The following ADCY9 variants were observed in gnomAD, a reference collection of about 807,000 sequenced individuals.
ADCY9 encodes the protein adenylate cyclase 9, also known as adenylate cyclase type 9.
ADCY9 carries 50 observed loss-of-function variants against 101.5 expected under a neutral mutation model. The observed-to-expected ratio is 0.49, with a 90% CI of 0.39 to 0.62. The LOEUF is 0.62. Among genes scored for constraint, ADCY9 ranks in the 20% least tolerant of loss-of-function variants. The pLI, the probability that ADCY9 is intolerant of heterozygous loss-of-function variation, is 0.00. For synonymous variants in ADCY9, 905 were observed against 769.3 expected (o/e 1.18, Z -2.92); for missense variants, 1,662 against 1,800.4 (o/e 0.92, Z 1.39).
At chr16:4,018,627 T>G (rs2056454288) in intron 2 of ADCY9, among the ~76,000 whole-genome samples, 1 of 152,208 alleles carries the variant, frequency 6.6e-6, no homozygotes, top group South Asian at 2.1e-4. Flanking sequence ...AGATCGTATC[T>G]GCAGCACAGG....
At chr16:4,015,705 G>A (rs1414819423) in intron 2 of ADCY9, 3 of 152,164 alleles carry the variant, frequency 2.0e-5, no homozygotes, top group Non-Finnish European at 2.9e-5. Context: ...GGTGACTCAC[G>A]CCTATAATCC....
intron 5 of ADCY9, among the ~76,000 whole-genome samples, chr16:3,991,916 C>T (rs2056247468): frequency 6.6e-6 from 1 of 151,776 alleles, no homozygotes; most frequent in African/African-American, 2.4e-5. Flanking sequence ...ACTAAAAATA[C>T]AAAACCTAGC....
At chr16:4,108,095 G>T (rs561522254) in intron 2 of ADCY9, among the ~76,000 whole-genome samples, 1 of 152,202 alleles carries the variant, frequency 6.6e-6, no homozygotes, top group Non-Finnish European at 1.5e-5. Context: ...CATGGGTGTG[G>T]ATGAGAGCGG....
intron 2 of ADCY9, among the ~76,000 whole-genome samples, chr16:4,103,887 T>C (rs563935459): frequency 3.9e-5 from 6 of 152,194 alleles, no homozygotes; most frequent in South Asian, 2.1e-4. Flanking sequence ...ACATGAATGA[T>C]TGGTTAAATC....
intron 2 of ADCY9, among the ~76,000 whole-genome samples, chr16:4,065,528 C>T (rs895249851): frequency 3.9e-5 from 6 of 152,120 alleles, no homozygotes; most frequent in East Asian, 1.9e-4. Context: ...GAATGTCGCA[C>T]GTCAATGTAC....
At chr16:3,974,576 C>T (rs2056078442) in intron 10 of ADCY9, 93 bp downstream of exon 10, 1 of 1,031,518 alleles carries the variant, frequency 9.7e-7, no homozygotes, top group Non-Finnish European at 1.5e-6. Context: ...TCCTTTTATT[C>T]AAGATCCCAT....
chr16:3,981,074 C>T (rs1425415999), intron 7 of ADCY9, among the ~76,000 whole-genome samples: 1 of 152,216 alleles, frequency 6.6e-6, no homozygotes, highest in African/African-American at 2.4e-5. Context: ...ACACGGCCCT[C>T]AGAGGGGCCA....
chr16:4,103,995 G>A (rs2057060483), intron 2 of ADCY9, among the ~76,000 whole-genome samples: 1 of 152,204 alleles, frequency 6.6e-6, no homozygotes, highest in Admixed American at 6.5e-5. Flanking sequence ...CGGTCCTGGA[G>A]AAAAGCAGCT....
chr16:4,013,444 GAAAAAGAA>G (rs1291827537), intron 2 of ADCY9, among the ~76,000 whole-genome samples: 1 of 151,824 alleles, frequency 6.6e-6, no homozygotes, highest in Non-Finnish European at 1.5e-5. Context: ...AAAATTAAAA[GAAAAAGAA>G]GAAAAGAAAA....
chr16:3,996,124 G>A (rs560057171), intron 3 of ADCY9, among the ~76,000 whole-genome samples: 1 of 152,152 alleles, frequency 6.6e-6, no homozygotes, highest in African/African-American at 2.4e-5. Flanking sequence ...ACTTTGGGAG[G>A]CCGAAGCAGG....
chr16:3,973,649 AC>A (rs2141678913), intron 10 of ADCY9, among the ~76,000 whole-genome samples: 1 of 151,414 alleles, frequency 6.6e-6, no homozygotes, highest in South Asian at 2.1e-4. Context: ...ATACCACCAT[AC>A]CTGGCTAATT....
At chr16:3,982,967 T>A (rs2056156498) in intron 7 of ADCY9, 1 of 530,110 alleles carries the variant, frequency 1.9e-6, no homozygotes, top group Admixed American at 3.3e-5. Flanking sequence ...TCTCTGAACC[T>A]GGAAATCTGG....
intron 10 of ADCY9, among the ~76,000 whole-genome samples, chr16:3,969,464 C>G (rs1265574663): frequency 6.8e-6 from 1 of 146,306 alleles, no homozygotes; most frequent in East Asian, 2.0e-4. Context: ...GTCTCAAACT[C>G]CTGACCTAAA....
intron 2 of ADCY9, among the ~76,000 whole-genome samples, chr16:4,110,792 G>A (rs1356659160): frequency 6.6e-6 from 1 of 152,218 alleles, no homozygotes; most frequent in Non-Finnish European, 1.5e-5. Flanking sequence ...TCACGGCCAT[G>A]GAAAGAGGCA....
chr16:4,110,484 G>A (rs1054332411), intron 2 of ADCY9, among the ~76,000 whole-genome samples: 5 of 147,556 alleles, frequency 3.4e-5, no homozygotes, highest in Non-Finnish European at 3.0e-5. Context: ...CCACCTCCTG[G>A]GTTCAAGCGA....
chr16:4,089,936 T>TA (rs1269376734), intron 2 of ADCY9, among the ~76,000 whole-genome samples: 2 of 152,062 alleles, frequency 1.3e-5, no homozygotes, highest in Admixed American at 1.3e-4. Flanking sequence ...TGGGTAGTTT[T>TA]ACCTACCCAC....
intron 2 of ADCY9, among the ~76,000 whole-genome samples, chr16:4,100,646 TA>T: frequency 6.7e-6 from 1 of 150,274 alleles, no homozygotes; most frequent in Non-Finnish European, 1.5e-5. Context: ...AGCAACTTTA[TA>T]GCAGTGTTAG....
chr16:3,974,203 A>G (rs1014432942), intron 10 of ADCY9, among the ~76,000 whole-genome samples: 16 of 152,036 alleles, frequency 1.1e-4, no homozygotes, highest in African/African-American at 3.9e-4. Flanking sequence ...CACCATGCCC[A>G]GCTAATTTTT....
At chr16:4,088,178 C>G (rs1189206575) in intron 2 of ADCY9, among the ~76,000 whole-genome samples, 1 of 151,984 alleles carries the variant, frequency 6.6e-6, no homozygotes, top group Non-Finnish European at 1.5e-5. Flanking sequence ...ATCATATTCC[C>G]CAAAGTAACT....
Sources: allele counts gnomAD v4.1 joint callset (sites outside exome capture counted in the v4.1 genomes callset), GRCh38; gene constraint gnomAD v4.1.1; transcripts MANE v1.5; gene names NCBI Gene and HGNC (gene_info 2026-07-23, HGNC 2026-07-21).